The following PTPRD variants were observed in gnomAD, a reference collection of about 807,000 sequenced individuals.
PTPRD encodes receptor-type tyrosine-protein phosphatase delta.
PTPRD carries 34 observed loss-of-function variants against 214.5 expected under a neutral mutation model. That is an observed-to-expected ratio of 0.16 (90% CI 0.12 to 0.21). The LOEUF (loss-of-function observed/expected upper bound fraction) is 0.21. Ranked by LOEUF, PTPRD falls within the 10% of genes least tolerant of loss-of-function variation. PTPRD has a pLI of 1.00. For synonymous variants in PTPRD, 1,128 were observed against 845.7 expected (o/e 1.33, Z -5.79); for missense variants, 2,545 against 2,398.7 (o/e 1.06, Z -1.27).
intron 3 of PTPRD, among the ~76,000 whole-genome samples, chr9:10,142,081 C>G (rs1176663534): frequency 1.3e-5 from 2 of 151,914 alleles, no homozygotes; most frequent in African/African-American, 2.4e-5. Context: ...ATGTAGAAAG[C>G]TGAAACTGGA....
chr9:9,942,582 G>C (rs778069044), intron 4 of PTPRD, among the ~76,000 whole-genome samples: 1 of 152,080 alleles, frequency 6.6e-6, no homozygotes, highest in Non-Finnish European at 1.5e-5. Flanking sequence ...CCTTCCTTGA[G>C]AATCAAACTA....
At chr9:10,216,778 G>C (rs1185687995) in intron 3 of PTPRD, among the ~76,000 whole-genome samples, 2 of 152,002 alleles carry the variant, frequency 1.3e-5, no homozygotes, top group South Asian at 2.1e-4. Context: ...CCGAAAAGCA[G>C]TGATTTGACA....
intron 44 of PTPRD, among the ~76,000 whole-genome samples, chr9:8,321,503 A>G (rs1283385718): frequency 9.9e-4 from 88 of 88,766 alleles, no homozygotes; most frequent in African/African-American, 5.6e-3. Flanking sequence ...ATATATATAT[A>G]TATATATATA....
Position 9,482,778 on chromosome 9 carries a change from A to G in PTPRD, c.-236-85296T>C, listed in dbSNP as rs924849200. Among the ~76,000 whole-genome samples, 13 of 152,202 alleles carry G rather than the reference A, an allele frequency of 8.5e-5. 1 individual carries two copies. The highest frequency in any genetic ancestry group is 1.6e-4 in the Non-Finnish European group (11 of 68,022). On this transcript the variant is annotated intron_variant, in intron 8 of 45. Coordinates refer to ENST00000381196, the MANE Select transcript of PTPRD (RefSeq NM_002839.4). ...AATTGAGGCTATGAAGAGACAATTA[A>G]GGCTCCTCCTTAGGGCAGCATTTTG...
At chr9:10,446,382 G>T (rs1324459470) in intron 2 of PTPRD, among the ~76,000 whole-genome samples, 4 of 148,960 alleles carry the variant, frequency 2.7e-5, no homozygotes, top group African/African-American at 7.4e-5. Flanking sequence ...GAGTAGTGCT[G>T]GTTTGGCTTA....
chr9:10,006,040 A>G (rs2096466443), intron 4 of PTPRD, among the ~76,000 whole-genome samples: 1 of 152,056 alleles, frequency 6.6e-6, no homozygotes, highest in African/African-American at 2.4e-5. Context: ...GTACATATGC[A>G]AATATATGAT....
chr9:9,938,323 A>G (rs1212231439), intron 5 of PTPRD, among the ~76,000 whole-genome samples, 184 bp downstream of exon 5: 1 of 152,208 alleles, frequency 6.6e-6, no homozygotes, highest in East Asian at 1.9e-4. Flanking sequence ...TAAAAAGTAT[A>G]TGCATTGACC....
At chr9:8,731,680 A>G (rs2098660663) in intron 12 of PTPRD, among the ~76,000 whole-genome samples, 1 of 152,224 alleles carries the variant, frequency 6.6e-6, no homozygotes, top group Non-Finnish European at 1.5e-5. Flanking sequence ...GCTTTCACAA[A>G]CCACAGGTAT....
chr9:9,338,292 A>G (rs1287787995), intron 9 of PTPRD, among the ~76,000 whole-genome samples: 1 of 152,192 alleles, frequency 6.6e-6, no homozygotes, highest in African/African-American at 2.4e-5. Context: ...TAGGAATTCC[A>G]TTCTTAAGAA....
intron 3 of PTPRD, among the ~76,000 whole-genome samples, chr9:10,121,311 T>G (rs2098773296): frequency 6.6e-6 from 1 of 152,164 alleles, no homozygotes; most frequent in Non-Finnish European, 1.5e-5. Flanking sequence ...CCAAAGTTTT[T>G]TAGAGTTGGC....
intron 11 of PTPRD, among the ~76,000 whole-genome samples, chr9:8,811,934 T>G (rs1310729260): frequency 6.6e-6 from 1 of 152,052 alleles, no homozygotes; most frequent in Non-Finnish European, 1.5e-5. Context: ...TTGTGAGGCC[T>G]GAGTGAAGAT....
intron 2 of PTPRD, among the ~76,000 whole-genome samples, chr9:10,348,877 T>G (rs2097134562): frequency 6.6e-6 from 1 of 152,084 alleles, no homozygotes; most frequent in African/African-American, 2.4e-5. Flanking sequence ...TATACCTCCC[T>G]AACATTTTGC....
At chr9:10,336,962 T>A (rs2096855075) in intron 3 of PTPRD, among the ~76,000 whole-genome samples, 2 of 151,586 alleles carry the variant, frequency 1.3e-5, no homozygotes, top group South Asian at 4.2e-4. Context: ...GAATGGAGAA[T>A]ATCCATTCAA....
chr9:9,428,913 G>C (rs1455418493), intron 8 of PTPRD, among the ~76,000 whole-genome samples: 1 of 152,172 alleles, frequency 6.6e-6, no homozygotes, highest in Non-Finnish European at 1.5e-5. Context: ...AGTGTGTAGA[G>C]GGAAATTTAT....
chr9:10,047,798 A>C (rs183661670), intron 3 of PTPRD, among the ~76,000 whole-genome samples: 150 of 152,280 alleles, frequency 9.9e-4, no homozygotes, highest in African/African-American at 3.5e-3. Flanking sequence ...CTCAGACATA[A>C]TTATTTCATC....
chr9:9,348,870 T>C (rs2049978979), intron 9 of PTPRD, among the ~76,000 whole-genome samples: 1 of 152,144 alleles, frequency 6.6e-6, no homozygotes, highest in South Asian at 2.1e-4. Context: ...TACAACAATC[T>C]GTGTGCTGCT....
intron 11 of PTPRD, among the ~76,000 whole-genome samples, chr9:8,906,727 T>C (rs376166444): frequency 2.0e-5 from 3 of 152,072 alleles, no homozygotes; most frequent in Non-Finnish European, 1.5e-5. Context: ...AATTCTATTA[T>C]GTTGGGGAGC....
intron 11 of PTPRD, among the ~76,000 whole-genome samples, chr9:8,957,130 A>G (rs2099135382): frequency 6.6e-6 from 1 of 151,872 alleles, no homozygotes; most frequent in Admixed American, 6.6e-5. Context: ...CACTATGACA[A>G]TAGATGAATC....
At chr9:9,910,983 T>C (rs1435851817) in intron 5 of PTPRD, among the ~76,000 whole-genome samples, 1 of 83,056 alleles carries the variant, frequency 1.2e-5, no homozygotes, top group African/African-American at 5.2e-5. Context: ...GTTTGGTGTC[T>C]AGTTTCCAAT....
Sources: allele counts gnomAD v4.1 joint callset (sites outside exome capture counted in the v4.1 genomes callset), GRCh38; gene constraint gnomAD v4.1.1; transcripts MANE v1.5; gene names NCBI Gene and HGNC (gene_info 2026-07-23, HGNC 2026-07-21).